PRDM5: variants seen among roughly 807,000 people sequenced by gnomAD.
The protein encoded by PRDM5 is PR/SET domain 5.
PRDM5 carries 56 observed loss-of-function variants against 81.2 expected under a neutral mutation model. That is an observed-to-expected ratio of 0.69 (90% CI 0.56 to 0.86). The LOEUF (loss-of-function observed/expected upper bound fraction) is 0.86, where lower values mean the gene tolerates loss of function less well. Among genes scored for constraint, PRDM5 ranks in the 40% least tolerant of loss-of-function variants. The pLI is 0.00. For missense variants in PRDM5, 697 were observed against 770.1 expected (o/e 0.91, Z 1.12); for synonymous variants, 267 against 256.4 (o/e 1.04, Z -0.39).
At chr4:120,921,296 G>T (rs540886616) in intron 1 of PRDM5, among the ~76,000 whole-genome samples, 2 of 152,232 alleles carry the variant, frequency 1.3e-5, no homozygotes, top group East Asian at 3.9e-4. Context: ...TGGCCATTTG[G>T]CAACTATTCA....
intron 3 of PRDM5, among the ~76,000 whole-genome samples, chr4:120,827,540 A>G (rs1756163168): frequency 6.6e-6 from 1 of 152,146 alleles, no homozygotes; most frequent in South Asian, 2.1e-4. Context: ...TGATATTCAA[A>G]TAACATTTGG....
In PRDM5 at chr4:120,701,056, C is replaced by T. The variant is rs59922600; in HGVS notation, c.1729-5781G>A. ...AGGAGAATTGCTTGAACCTGGGAGG[C>T]GGAGGTTGCAGTGAGCCAAGATTGT... On this transcript the variant is annotated intron_variant, in intron 15 of 15. Transcript: ENST00000264808. Among the ~76,000 whole-genome samples the T allele has an allele frequency of 2.0e-3, 306 of 151,788 alleles. 1 individual carries two copies. Among genetic ancestry groups the T allele is most frequent in the African/African-American group, 7.1e-3 (293 of 41,396 alleles).
chr4:120,824,494 CA>C (rs1230604443), intron 3 of PRDM5, among the ~76,000 whole-genome samples: 1 of 152,180 alleles, frequency 6.6e-6, no homozygotes. Context: ...TGTTCAACAT[CA>C]AGGCCTGCTC....
chr4:120,770,968 A>G (rs1018361073), intron 13 of PRDM5, among the ~76,000 whole-genome samples: 4 of 152,164 alleles, frequency 2.6e-5, no homozygotes, highest in African/African-American at 9.6e-5. Context: ...TCAATTATTT[A>G]AATACAAATG....
At chr4:120,767,624 A>G (rs2149198836) in intron 13 of PRDM5, among the ~76,000 whole-genome samples, 1 of 152,298 alleles carries the variant, frequency 6.6e-6, no homozygotes, top group African/African-American at 2.4e-5. Flanking sequence ...CCTAGAAATA[A>G]AAAAAGGGAA....
At chr4:120,813,535 G>A (rs532680490) in intron 7 of PRDM5, among the ~76,000 whole-genome samples, 1 of 152,210 alleles carries the variant, frequency 6.6e-6, no homozygotes, top group East Asian at 1.9e-4. Context: ...ATGAATTTTT[G>A]TCTTATTATT....
rs114833005 is a variant in PRDM5 at position 120,897,599 on chromosome 4, T to C, written c.177+9875A>G. On this transcript the variant is annotated intron_variant, in intron 2 of 15. Coordinates refer to ENST00000264808, the MANE Select transcript of PRDM5 (RefSeq NM_018699.4). ...CCTGCTAAGCTAAAAGGTCCTAACA[T>C]TACAGATGTATTAGATATTTTCACT... 4.9e-3 allele frequency among the ~76,000 whole-genome samples: 752 copies of C among 152,318 alleles called. 7 individuals are homozygous for C. Among genetic ancestry groups the C allele is most frequent in the Middle Eastern group, 0.027 (8 of 294 alleles).
rs5861498 is a variant in PRDM5 at position 120,918,656 on chromosome 4, T to TA, written c.93+3859dup. On this transcript the variant is annotated intron_variant, in intron 1 of 15. Transcript: ENST00000264808. ...AGGTATTTTTTTTTTTTTTTTTTTTTACTTAGGATTTTACCTCACCAAATG... is the reference window on the plus strand; with the variant it reads ...AGGTATTTTTTTTTTTTTTTTTTTTTAACTTAGGATTTTACCTCACCAAATG... Among the ~76,000 whole-genome samples the TA allele has an allele frequency of 1.4e-4, 20 of 146,608 alleles. No individual in the cohort carries two copies. The South Asian group carries it at 3.4e-3, about 25-fold the overall frequency.
intron 3 of PRDM5, among the ~76,000 whole-genome samples, chr4:120,851,448 A>G (rs1398313199): frequency 2.0e-5 from 3 of 151,906 alleles, no homozygotes; most frequent in African/African-American, 7.3e-5. Flanking sequence ...GGAAAAAAAT[A>G]ATGTCTACAT....
intron 14 of PRDM5, among the ~76,000 whole-genome samples, chr4:120,711,391 C>T (rs923288310): frequency 6.6e-6 from 1 of 152,056 alleles, no homozygotes; most frequent in African/African-American, 2.4e-5. Context: ...CTCTGCCTCC[C>T]TAGTTCAAGC....
intron 2 of PRDM5, among the ~76,000 whole-genome samples, chr4:120,880,163 A>T (rs1018170701): frequency 1.3e-5 from 2 of 152,178 alleles, no homozygotes; most frequent in African/African-American, 4.8e-5. Flanking sequence ...TTTTTCTGTT[A>T]ATATACTTCA....
chr4:120,807,931 G>A (rs1475977567), intron 8 of PRDM5, among the ~76,000 whole-genome samples: 6 of 152,004 alleles, frequency 3.9e-5, no homozygotes, highest in South Asian at 4.2e-4. Flanking sequence ...GCAGACCTTC[G>A]CGGTGAGTGT....
chr4:120,711,863 T>C (rs1356609151), intron 14 of PRDM5, among the ~76,000 whole-genome samples: 1 of 152,172 alleles, frequency 6.6e-6, no homozygotes, highest in Non-Finnish European at 1.5e-5. Context: ...ATAAATTAAT[T>C]AATATTATTC....
At position 120,774,036 on chromosome 4, in the gene PRDM5, A is replaced by G. The variant is rs142434455; in HGVS notation, c.1537+3152T>C. On this transcript the variant is annotated intron_variant, in intron 13 of 15. Coordinates refer to ENST00000264808, the MANE Select transcript of PRDM5 (RefSeq NM_018699.4). ...CAAGTAAACATTTTTAAATTTTCTA[A>G]TATGGTAAACAGCTTTAATTTCTAA... Among the ~76,000 whole-genome samples the G allele has an allele frequency of 2.4e-3, 360 of 152,352 alleles. 1 individual carries two copies. The highest frequency in any genetic ancestry group is 8.4e-3 in the African/African-American group (348 of 41,586).
At chr4:120,754,439 G>T (rs1744429674) in intron 14 of PRDM5, 114 bp downstream of exon 14, 2 of 651,568 alleles carry the variant, frequency 3.1e-6, no homozygotes, top group Admixed American at 2.7e-5. Flanking sequence ...CATAAATATA[G>T]ATATACAACT....
chr4:120,798,842 G>A (rs371116085), intron 9 of PRDM5, among the ~76,000 whole-genome samples: 4 of 152,032 alleles, frequency 2.6e-5, no homozygotes, highest in Admixed American at 1.3e-4. Flanking sequence ...TCCAATGCTC[G>A]GCAGGAACCA....
chr4:120,728,976 T>G (rs190569294), intron 14 of PRDM5, among the ~76,000 whole-genome samples: 38 of 152,328 alleles, frequency 2.5e-4, no homozygotes, highest in Non-Finnish European at 4.3e-4. Flanking sequence ...TAAATATTCC[T>G]CAGAAGCTAG....
At chr4:120,904,127 T>C (rs568944672) in intron 2 of PRDM5, among the ~76,000 whole-genome samples, 2 of 131,948 alleles carry the variant, frequency 1.5e-5, no homozygotes, top group East Asian at 4.5e-4. Context: ...GAGATGGAGG[T>C]TGCAGTGAGC....
chr4:120,908,481 C>T (rs1450297221), intron 1 of PRDM5, among the ~76,000 whole-genome samples: 2 of 152,164 alleles, frequency 1.3e-5, no homozygotes, highest in African/African-American at 4.8e-5. Flanking sequence ...AAGATAACCA[C>T]TAAGGCAATA....
Sources: allele counts gnomAD v4.1 joint callset (sites outside exome capture counted in the v4.1 genomes callset), GRCh38; gene constraint gnomAD v4.1.1; transcripts MANE v1.5; gene names NCBI Gene and HGNC (gene_info 2026-07-23, HGNC 2026-07-21).